Variants in MYDGF observed in about 807,000 individuals in gnomAD.
The protein encoded by MYDGF is myeloid derived growth factor.
MYDGF carries 29 observed loss-of-function variants against 24.2 expected under a neutral mutation model. That is an observed-to-expected ratio of 1.20 (90% confidence interval 0.89 to 1.63). MYDGF has a LOEUF of 1.63. Ranked by LOEUF, MYDGF falls within the 40% of genes most tolerant of loss-of-function variation. The pLI is 0.00. For synonymous variants in MYDGF, 105 were observed against 102.5 expected (o/e 1.02, Z -0.15); for missense variants, 245 against 234.8 (o/e 1.04, Z -0.29).
intron 1 of MYDGF, among the ~76,000 whole-genome samples, chr19:4,669,324 A>AT (rs2145190519): frequency 6.6e-6 from 1 of 152,254 alleles, no homozygotes; most frequent in Admixed American, 6.5e-5. Context: ...AAATACAAAG[A>AT]TTAGTAGTCC....
chr19:4,669,598 G>T (rs1048988533), intron 1 of MYDGF, among the ~76,000 whole-genome samples: 4 of 152,156 alleles, frequency 2.6e-5, no homozygotes, highest in African/African-American at 9.7e-5. Flanking sequence ...AGTCTAAAAA[G>T]AAATAGTCAA....
chr19:4,659,019 T>C (rs1599835249), intron 5 of MYDGF, among the ~76,000 whole-genome samples: 1 of 152,082 alleles, frequency 6.6e-6, no homozygotes, highest in South Asian at 2.1e-4. Context: ...GCTAGGCTGG[T>C]CTGGAACTCC....
At chr19:4,665,243 G>C (rs1055507248) in intron 2 of MYDGF, among the ~76,000 whole-genome samples, 7 of 152,178 alleles carry the variant, frequency 4.6e-5, no homozygotes, top group African/African-American at 1.7e-4. Flanking sequence ...TTGTTTTTGA[G>C]ATGGAGTCTC....
chr19:4,662,582 C>A (rs911328961), intron 3 of MYDGF, among the ~76,000 whole-genome samples: 3 of 152,036 alleles, frequency 2.0e-5, no homozygotes, highest in Admixed American at 1.3e-4. Flanking sequence ...CAGAATCGGG[C>A]GGTGTCTGGG....
At chr19:4,663,204 G>A (rs1319205805) in intron 3 of MYDGF, among the ~76,000 whole-genome samples, 3,372 of 19,202 alleles carry the variant, frequency 0.18, 199 homozygotes, top group African/African-American at 0.43. Flanking sequence ...CTCCCCACCC[G>A]TCCTGTCCTC....
chr19:4,666,895 T>C (rs1555707839), intron 2 of MYDGF, among the ~76,000 whole-genome samples: 1 of 152,066 alleles, frequency 6.6e-6, no homozygotes, highest in Non-Finnish European at 1.5e-5. Flanking sequence ...GCGAAACCCA[T>C]CTCAAGGTGT....
chr19:4,664,180 ATGACTC>A (rs375378879), intron 3 of MYDGF, among the ~76,000 whole-genome samples: 29 of 152,216 alleles, frequency 1.9e-4, no homozygotes, highest in African/African-American at 6.0e-4. Context: ...GGGAAGGAGA[ATGACTC>A]TGATGGGAAC....
Position 4,660,754 on chromosome 19 carries a change from C to T in MYDGF, c.288-4G>A, listed in dbSNP as rs780399251. On this transcript the variant is annotated splice_region_variant and splice_polypyrimidine_tract_variant and intron_variant, in intron 3 of 5. Coordinates refer to ENST00000262947, the MANE Select transcript of MYDGF (RefSeq NM_019107.4). ...CAGATAGGACTTCCCCTGGGGCCTGCAGAGGAAGAGGGGGCGAGGGAGTCA... is the reference window on the plus strand; with the variant it reads ...CAGATAGGACTTCCCCTGGGGCCTGTAGAGGAAGAGGGGGCGAGGGAGTCA... 6.2e-7 allele frequency: 1 copy of T among 1,613,208 alleles called. No individual in the cohort carries two copies. The highest frequency in any genetic ancestry group is 8.5e-7 in the Non-Finnish European group (1 of 1,179,628).
In MYDGF at chr19:4,664,862, A is replaced by C. The variant is rs1306390476; in HGVS notation, c.287+14T>G. ...AACGGCAGCCGGAAATGCCATCCCC[A>C]CCCCGAGTCTCACCTCCAGATGGTG... is the stretch of plus-strand genomic sequence containing the variant. On this transcript the variant is annotated intron_variant, in intron 3 of 5. Coordinates refer to ENST00000262947, the MANE Select transcript of MYDGF (RefSeq NM_019107.4). The C allele has an allele frequency of 1.2e-6, 2 of 1,610,754 alleles. No homozygotes were observed. The highest frequency in any genetic ancestry group is 1.7e-6 in the Non-Finnish European group (2 of 1,178,676).
intron 5 of MYDGF, among the ~76,000 whole-genome samples, chr19:4,659,115 G>T (rs1217022671): frequency 1.3e-5 from 2 of 151,822 alleles, no homozygotes; most frequent in African/African-American, 2.4e-5. Flanking sequence ...TTACTCTGAT[G>T]CCCAGGCTGG....
intron 2 of MYDGF, among the ~76,000 whole-genome samples, chr19:4,665,820 CAAAAAA>C (rs533879529): frequency 2.2e-5 from 1 of 45,480 alleles, no homozygotes; most frequent in Non-Finnish European, 6.2e-5. Context: ...GACTCTGTCT[CAAAAAA>C]AAAAAAAAAA....
In MYDGF at chr19:4,662,383, G is replaced by C. The variant is rs150667852; in HGVS notation, c.288-1633C>G. Among the ~76,000 whole-genome samples, 86 of 152,344 alleles carry C rather than the reference G, an allele frequency of 5.6e-4. 3 individuals carry two copies. In the East Asian group the frequency reaches 0.015, roughly 27 times the overall value. On this transcript the variant is annotated intron_variant, in intron 3 of 5. Coordinates refer to ENST00000262947, the MANE Select transcript of MYDGF (RefSeq NM_019107.4). ...CTGAGACATTCTGGGCCAAGGATCA[G>C]GGAAGAAGGGACAAGATTCCTGAAG...
At chr19:4,663,686 A>G (rs1022668912) in intron 3 of MYDGF, among the ~76,000 whole-genome samples, 1 of 7,508 alleles carries the variant, frequency 1.3e-4, no homozygotes, top group African/African-American at 4.6e-4. Context: ...CTCCCCACCC[A>G]CCCTGTCCTC....
In MYDGF at chr19:4,660,679, GC is replaced by G; in HGVS notation, c.358del (p.Ala120ProfsTer17). 6.2e-7 allele frequency: 1 copy of G among 1,613,926 alleles called. No individual in the cohort carries two copies. Among genetic ancestry groups the G allele is most frequent in the Non-Finnish European group, 8.5e-7 (1 of 1,179,902 alleles). ...AEVRGAEIEY[A>X]MAYSKAAFER... ...CTCCAAGATACTCACGTAGGCCATG[GC>G]GTACTCAATCTCAGCGCCCCGCACC... On this transcript the variant is annotated frameshift_variant, in exon 4 of 6. Transcript: ENST00000262947. LOFTEE classifies it high-confidence loss of function.
intron 3 of MYDGF, among the ~76,000 whole-genome samples, chr19:4,662,860 C>T (rs1319256264): frequency 1.3e-5 from 2 of 151,990 alleles, no homozygotes; most frequent in Non-Finnish European, 2.9e-5. Flanking sequence ...ACCTGCCTAG[C>T]TCGTCCCCAG....
chr19:4,660,832 G>T, intron 3 of MYDGF, 82 bp from the exon 4 acceptor site: 1 of 1,224,170 alleles, frequency 8.2e-7, no homozygotes, highest in Non-Finnish European at 1.2e-6. Context: ...CCCCGCCAGG[G>T]ACTCGGGCTG....
chr19:4,660,067 TGA>T, intron 4 of MYDGF, 64 bp from the exon 5 acceptor site: 2 of 1,451,128 alleles, frequency 1.4e-6, no homozygotes, highest in Non-Finnish European at 1.9e-6. Flanking sequence ...GGAAAACGAT[TGA>T]GTTTGCTTTC....
At chr19:4,663,738 A>G (rs1204213641) in intron 3 of MYDGF, among the ~76,000 whole-genome samples, 1 of 15,024 alleles carries the variant, frequency 6.7e-5, no homozygotes, top group Non-Finnish European at 1.2e-4. Flanking sequence ...CACCCACCCC[A>G]TCCTCATTCT....
chr19:4,667,203 G>T lies in MYDGF; in HGVS notation c.225+1392C>A, dbSNP rs1286940524. Among the ~76,000 whole-genome samples the T allele has an allele frequency of 4.2e-5, 6 of 142,976 alleles. No homozygotes were observed. In the Admixed American group the frequency reaches 4.5e-4, roughly 11 times the overall value. 93.8% of individuals were successfully genotyped at this position (142,976 alleles called of 152,430 possible). On this transcript the variant is annotated intron_variant, in intron 2 of 5. Coordinates refer to ENST00000262947, the MANE Select transcript of MYDGF (RefSeq NM_019107.4). ...GAGTGCAGTGGCGCGATCTTGGCTC[G>T]CTGCAAGCTCCGCCTCCCGGGTTCA...
Sources: allele counts gnomAD v4.1 joint callset (sites outside exome capture counted in the v4.1 genomes callset), GRCh38; gene constraint gnomAD v4.1.1; transcripts MANE v1.5; gene names NCBI Gene and HGNC (gene_info 2026-07-23, HGNC 2026-07-21).